Variants in PRKN observed in about 807,000 individuals in gnomAD.
PRKN encodes the protein E3 ubiquitin-protein ligase parkin.
Under a neutral mutation model 59.5 loss-of-function variants are expected in PRKN, and 56 were observed. The observed-to-expected ratio is 0.94, with a 90% CI of 0.76 to 1.18. The LOEUF is 1.18. Ranked by LOEUF, PRKN falls within the 50% of genes most tolerant of loss-of-function variation. PRKN has a pLI of 0.00. For synonymous variants in PRKN, 250 were observed against 222.1 expected (o/e 1.13, Z -1.12); for missense variants, 657 against 596.4 (o/e 1.10, Z -1.06).
At chr6:162,598,344 A>T (rs1236072423) in intron 1 of PRKN, among the ~76,000 whole-genome samples, 1 of 152,174 alleles carries the variant, frequency 6.6e-6, no homozygotes, top group Non-Finnish European at 1.5e-5. Context: ...TATTTCAACC[A>T]GCCATTCAAC....
chr6:162,712,284 C>T (rs1377939547), intron 1 of PRKN, among the ~76,000 whole-genome samples: 1 of 152,110 alleles, frequency 6.6e-6, no homozygotes, highest in African/African-American at 2.4e-5. Context: ...CTGCATTGTC[C>T]TGACTGCTCT....
At chr6:162,696,044 A>ACT in intron 1 of PRKN, among the ~76,000 whole-genome samples, 1 of 152,154 alleles carries the variant, frequency 6.6e-6, no homozygotes, top group African/African-American at 2.4e-5. Context: ...AAGTGCCTGG[A>ACT]ACATGGTACT....
chr6:161,419,418 C>T lies in PRKN; in HGVS notation c.1084-32541G>A, dbSNP rs1336284286. Among the ~76,000 whole-genome samples, 3 of 151,616 alleles carry T rather than the reference C, an allele frequency of 2.0e-5. No individual in the cohort carries two copies. Among genetic ancestry groups the T allele is most frequent in the South Asian group, 2.1e-4 (1 of 4,790 alleles). ...TTCTTTTTTTTTTTAAATGGAGTCT[C>T]GCTCTGTTGCCCAGGCTGGAGTGCA... On this transcript the variant is annotated intron_variant, in intron 9 of 11. Transcript: ENST00000366898. The surrounding 1 kb of genome is among the most constrained non-coding windows in gnomAD (Gnocchi z 4.1).
At chr6:161,750,116 T>TACACACACACACACACAC (rs1159720210) in intron 7 of PRKN, among the ~76,000 whole-genome samples, 5 of 139,154 alleles carry the variant, frequency 3.6e-5, no homozygotes, top group African/African-American at 1.3e-4. Flanking sequence ...TATATATATA[T>TACACACACACACACACAC]ATACACACAC....
chr6:162,469,311 T>C, intron 1 of PRKN, among the ~76,000 whole-genome samples: 2 of 116,984 alleles, frequency 1.7e-5, no homozygotes, highest in Non-Finnish European at 3.2e-5. Flanking sequence ...CTGACACTAA[T>C]GAAGAATTTG....
rs567352820 is a variant in PRKN at position 161,743,839 on chromosome 6, G to C, written c.871+41933C>G. Among the ~76,000 whole-genome samples, 4 of 152,260 alleles carry C rather than the reference G, an allele frequency of 2.6e-5. No individual in the cohort carries two copies. The East Asian group carries it at 7.7e-4, about 29-fold the overall frequency. ...ACCAATTCTGACAAAATAAATCATC[G>C]AGAAGTCTGGTCAATTCTGTTGGAG... On this transcript the variant is annotated intron_variant, in intron 7 of 11. Coordinates refer to ENST00000366898, the MANE Select transcript of PRKN (RefSeq NM_004562.3).
intron 5 of PRKN, among the ~76,000 whole-genome samples, chr6:162,028,363 C>T (rs570768842): frequency 3.7e-4 from 56 of 152,232 alleles, no homozygotes; most frequent in Non-Finnish European, 6.6e-4. Flanking sequence ...TTAGTTAACA[C>T]AAAGTGAAAG....
At chr6:162,459,837 T>A (rs1050754260) in intron 1 of PRKN, among the ~76,000 whole-genome samples, 1 of 152,224 alleles carries the variant, frequency 6.6e-6, no homozygotes, top group East Asian at 1.9e-4. Flanking sequence ...TCAGAAGCTC[T>A]AGTTGGAAAT....
intron 7 of PRKN, among the ~76,000 whole-genome samples, chr6:161,570,123 G>GT (rs1398304987): frequency 6.3e-4 from 16 of 25,492 alleles, no homozygotes; most frequent in East Asian, 5.7e-3. Flanking sequence ...AAGTAAATAG[G>GT]TAAAAAAAAA....
intron 7 of PRKN, among the ~76,000 whole-genome samples, chr6:161,621,889 A>G (rs1426882920): frequency 6.6e-6 from 1 of 152,118 alleles, no homozygotes; most frequent in African/African-American, 2.4e-5. Context: ...TGACAAATTC[A>G]CACATCACAT....
At chr6:162,091,468 G>T (rs1002797447) in intron 4 of PRKN, among the ~76,000 whole-genome samples, 1 of 152,148 alleles carries the variant, frequency 6.6e-6, no homozygotes, top group Non-Finnish European at 1.5e-5. Flanking sequence ...TTAAAATGTA[G>T]AAAGTGTGGA....
At chr6:162,244,167 A>G (rs979180632) in intron 3 of PRKN, among the ~76,000 whole-genome samples, 1 of 152,120 alleles carries the variant, frequency 6.6e-6, no homozygotes, top group African/African-American at 2.4e-5. Context: ...GTGGTTACGA[A>G]TATTAACATT....
rs535581163 is a variant in PRKN at position 161,628,123 on chromosome 6, A to C, written c.872-58707T>G. ...TTGATTTATTGCTCTCCTTTTTCTTATTCTATAGAAAAACTAGATTAAAAA... is the reference window on the plus strand; with the variant it reads ...TTGATTTATTGCTCTCCTTTTTCTTCTTCTATAGAAAAACTAGATTAAAAA... On this transcript the variant is annotated intron_variant, in intron 7 of 11. Coordinates refer to ENST00000366898, the MANE Select transcript of PRKN (RefSeq NM_004562.3). 1.2e-4 allele frequency among the ~76,000 whole-genome samples: 18 copies of C among 152,258 alleles called. 1 individual carries two copies. The highest frequency in any genetic ancestry group is 1.1e-3 in the Admixed American group (17 of 15,300).
chr6:162,543,197 TTTAATGCCA>T (rs1778991204), intron 1 of PRKN, among the ~76,000 whole-genome samples: 1 of 152,146 alleles, frequency 6.6e-6, no homozygotes, highest in Non-Finnish European at 1.5e-5. Context: ...TTCTGTGTCC[TTTAATGCCA>T]GGACCAGGGC....
rs113992071 is a variant in PRKN at position 161,502,799 on chromosome 6, A to T, written c.1083+46055T>A. ...GCTCTACGGTGAATGTGTGGGAAGGACAGGTGTGGAATGGTTATAAGTACA... is the reference window on the plus strand; with the variant it reads ...GCTCTACGGTGAATGTGTGGGAAGGTCAGGTGTGGAATGGTTATAAGTACA... On this transcript the variant is annotated intron_variant, in intron 9 of 11. Transcript: ENST00000366898. This position sits in a 1 kb window ranked among gnomAD's most constrained non-coding sequence, Gnocchi z 4.0. 2.0e-5 allele frequency among the ~76,000 whole-genome samples: 3 copies of T among 152,174 alleles called. No individual in the cohort carries two copies. Among genetic ancestry groups the T allele is most frequent in the African/African-American group, 7.2e-5 (3 of 41,436 alleles).
intron 3 of PRKN, among the ~76,000 whole-genome samples, chr6:162,229,589 C>T (rs1236860514): frequency 1.3e-5 from 2 of 152,190 alleles, no homozygotes; most frequent in South Asian, 2.1e-4. Flanking sequence ...CACACATCTG[C>T]CCCTGCCCCT....
intron 6 of PRKN, among the ~76,000 whole-genome samples, chr6:161,793,549 T>C (rs1401395524): frequency 2.0e-5 from 3 of 151,586 alleles, no homozygotes; most frequent in African/African-American, 4.9e-5. Flanking sequence ...GGCAGTGTCA[T>C]GTCACATCCT....
Position 161,568,695 on chromosome 6 carries a change from C to T in PRKN, c.933+660G>A, listed in dbSNP as rs16892810. Among the ~76,000 whole-genome samples, 568 of 152,286 alleles carry T rather than the reference C, an allele frequency of 3.7e-3. 11 individuals are homozygous for T. The East Asian group carries it at 0.059, about 16-fold the overall frequency. On this transcript the variant is annotated intron_variant, in intron 8 of 11. Transcript: ENST00000366898. ...AGGATAACTTGACACCTAGATTTAA[C>T]ATACTAATACAGAGTTTGTAGTTCC... is the stretch of plus-strand genomic sequence containing the variant.
chr6:162,381,864 C>T (rs937818768), intron 2 of PRKN, among the ~76,000 whole-genome samples: 5 of 152,124 alleles, frequency 3.3e-5, no homozygotes, highest in African/African-American at 1.2e-4. Flanking sequence ...AGACTTCAGG[C>T]ATAACTCCAA....
Sources: gnomAD v4.1 joint callset for allele counts (sites outside exome capture counted in the v4.1 genomes callset) on GRCh38, gnomAD v4.1.1 for gene constraint, Gnocchi (gnomAD v3.1) non-coding constraint, MANE v1.5 for transcripts, NCBI Gene and HGNC (gene_info 2026-07-23, HGNC 2026-07-21) for gene names.